The following WNK2 variants were observed in gnomAD, a reference collection of about 807,000 sequenced individuals.
WNK2 encodes the protein serine/threonine-protein kinase WNK2.
A neutral mutation model predicts 192.1 loss-of-function variants in WNK2; 67 were observed. That is an observed-to-expected ratio of 0.35 (90% CI 0.29 to 0.43). WNK2 has a LOEUF of 0.43. Among genes scored for constraint, WNK2 ranks in the 20% least tolerant of loss-of-function variants. The probability of loss-of-function intolerance (pLI) is 1.00; values close to 1 mark genes in which losing one functional copy is unlikely to be tolerated. For missense variants in WNK2, 2,698 were observed against 3,089.7 expected (o/e 0.87, Z 3.01); for synonymous variants, 1,439 against 1,393.9 (o/e 1.03, Z -0.72).
chr9:93,190,363 C>T (rs1480745154), intron 2 of WNK2, among the ~76,000 whole-genome samples: 1 of 152,210 alleles, frequency 6.6e-6, no homozygotes, highest in East Asian at 1.9e-4. Context: ...AGCTTGTTTT[C>T]TACTAGAAGC....
intron 2 of WNK2, among the ~76,000 whole-genome samples, chr9:93,214,697 G>GCCCCCCCCCCCC (rs371026822): frequency 2.5e-5 from 2 of 80,222 alleles, no homozygotes; most frequent in Admixed American, 1.6e-4. Context: ...TGAAGGTAGT[G>GCCCCCCCCCCCC]CCCCCCCCCC....
chr9:93,223,023 C>G (rs1231090123), intron 2 of WNK2, among the ~76,000 whole-genome samples: 1 of 152,220 alleles, frequency 6.6e-6, no homozygotes, highest in African/African-American at 2.4e-5. Context: ...AAAACACACA[C>G]TGGCTCACCT....
Position 93,259,110 on chromosome 9 carries a change from G to A in WNK2, c.2562G>A (p.Leu854=), listed in dbSNP as rs781211295. The part of the protein sequence containing the change: ...AAPLPPASPA[L]PLQAVKLPHP... ...CACTCCCCCCTGCGTCCCCAGCCTT[G>A]CCTCTGCAGGCTGTGAAGCTGCCCC... The change falls in exon 12 of 30, where the codon TTG becomes TTA. Residue 854 remains leucine (L), a synonymous_variant. Coordinates refer to ENST00000427277, the MANE Select transcript of WNK2 (RefSeq NM_006648.4). The surrounding 1 kb of genome is among the most constrained non-coding windows in gnomAD (Gnocchi z 4.8). 3 of 1,611,318 alleles carry A rather than the reference G, an allele frequency of 1.9e-6. No individual in the cohort carries two copies. Among genetic ancestry groups the A allele is most frequent in the African/African-American group, 1.3e-5 (1 of 74,452 alleles).
In WNK2 at chr9:93,298,051, C is replaced by T. The variant is rs775940050; in HGVS notation, c.5907C>T (p.Val1969=). 9 of 1,550,492 alleles carry T rather than the reference C, an allele frequency of 5.8e-6. No homozygotes were observed. Among genetic ancestry groups the T allele is most frequent in the East Asian group, 2.4e-5 (1 of 40,946 alleles). Residue 1969 remains valine, a synonymous_variant, in exon 24 of 30, where the codon GTC becomes GTT. Transcript: ENST00000427277. Reference sequence around the variant, plus strand: ...ATCCCCTGGTGCGGCAGCTCAAGGTCGTGGCCTCCAGCACAGGTCGGCCTC... The same window carrying T: ...ATCCCCTGGTGCGGCAGCTCAAGGTTGTGGCCTCCAGCACAGGTCGGCCTC... The part of the protein sequence containing the change: ...LLNPLVRQLK[V]VASSTGHLAD...
At chr9:93,196,378 C>T (rs768474482) in intron 2 of WNK2, among the ~76,000 whole-genome samples, 8 of 152,148 alleles carry the variant, frequency 5.3e-5, no homozygotes, top group Non-Finnish European at 1.2e-4. Context: ...TGGAGATGGC[C>T]ATGTGACAGC....
Position 93,306,831 on chromosome 9 carries a change from C to T in WNK2, c.6259+10C>T, listed in dbSNP as rs571880942. 3.0e-5 allele frequency: 48 copies of T among 1,614,046 alleles called. No homozygotes were observed. The highest frequency in any genetic ancestry group is 8.0e-5 in the African/African-American group (6 of 75,066). The stretch of plus-strand genomic sequence containing the variant: ...AAAGAACACAGCAGTAGTAATTATC[C>T]GGGTTTTTTCCCCTTTGTCCTCTCT... On this transcript the variant is annotated intron_variant, in intron 27 of 29. Transcript: ENST00000427277.
Position 93,259,329 on chromosome 9 carries a change from C to T in WNK2, c.2781C>T (p.Ser927=), listed in dbSNP as rs774720094. 6.2e-7 allele frequency: 1 copy of T among 1,613,448 alleles called. No homozygotes were observed. The highest frequency in any genetic ancestry group is 8.5e-7 in the Non-Finnish European group (1 of 1,179,744). The part of the protein sequence containing the change: ...PQMAPTDVPP[S]PHHTVQNMRA... ...TGGCGCCTACTGACGTCCCTCCTTC[C>T]CCCCATCACACGGTGCAGAATATGA... Residue 927 remains serine, a synonymous_variant, in exon 12 of 30, where the codon TCC becomes TCT. Transcript: ENST00000427277. This position sits in a 1 kb window ranked among gnomAD's most constrained non-coding sequence, Gnocchi z 4.8.
At chr9:93,217,614 C>G (rs943129676) in intron 2 of WNK2, among the ~76,000 whole-genome samples, 1 of 152,172 alleles carries the variant, frequency 6.6e-6, no homozygotes, top group Non-Finnish European at 1.5e-5. Context: ...AACCTCACCC[C>G]CATGCTGCTT....
intron 2 of WNK2, among the ~76,000 whole-genome samples, chr9:93,220,934 C>G (rs1211457334): frequency 4.6e-5 from 7 of 152,214 alleles, no homozygotes; most frequent in Non-Finnish European, 8.8e-5. Flanking sequence ...CTTCATGGCT[C>G]CATTCTGTGG....
intron 2 of WNK2, among the ~76,000 whole-genome samples, chr9:93,224,971 G>A (rs1440194740): frequency 1.3e-5 from 2 of 152,170 alleles, no homozygotes; most frequent in African/African-American, 4.8e-5. Context: ...TGTTCATGGA[G>A]TTGCTCCTGT....
intron 2 of WNK2, among the ~76,000 whole-genome samples, chr9:93,202,791 C>T (rs903357276): frequency 6.6e-6 from 1 of 152,020 alleles, no homozygotes; most frequent in African/African-American, 2.4e-5. Flanking sequence ...GGAGCTTTTC[C>T]CTGGGGCAGG....
chr9:93,259,256 T>TGCAC lies in WNK2; in HGVS notation c.2709_2710insCACG (p.Ala904HisfsTer21). ...GCTGCCCTGTCCATTCATTCTGCCG[T>TGCAC]GGCCCAGCTCCCAGGCCAACCTGTG... On this transcript the variant is annotated frameshift_variant, in exon 12 of 30. Transcript: ENST00000427277. LOFTEE classifies it high-confidence loss of function. This position sits in a 1 kb window ranked among gnomAD's most constrained non-coding sequence, Gnocchi z 4.8. 1 of 1,613,450 alleles carries TGCAC rather than the reference T, an allele frequency of 6.2e-7. No individual in the cohort carries two copies. The highest frequency in any genetic ancestry group is 8.5e-7 in the Non-Finnish European group (1 of 1,179,794).
In WNK2 at chr9:93,229,763, A is replaced by G; in HGVS notation, c.749A>G (p.Gln250Arg). 1.2e-6 allele frequency: 2 copies of G among 1,613,860 alleles called. No individual in the cohort carries two copies. The highest frequency in any genetic ancestry group is 1.7e-6 in the Non-Finnish European group (2 of 1,179,846). The part of the protein sequence containing the change: ...KEEAEMLKGL[Q>R]HPNIVRFYDF... ...GAGGCTGAGATGCTGAAAGGCCTGC[A>G]GCACCCCAACATCGTGCGCTTCTAC... is the stretch of plus-strand genomic sequence containing the variant. The change falls in exon 3 of 30, where the codon CAG becomes CGG. Residue 250 changes from glutamine to arginine, a missense_variant. Gln to Arg is a conservative substitution (Grantham distance 43). This residue lies in a region of WNK2 where 230 missense variants were observed against 501.1 expected (regional missense o/e 0.46). Coordinates refer to ENST00000427277, the MANE Select transcript of WNK2 (RefSeq NM_006648.4). The surrounding 1 kb of genome is among the most constrained non-coding windows in gnomAD (Gnocchi z 4.9).
intron 29 of WNK2, chr9:93,317,900 AC>A: frequency 6.3e-7 from 1 of 1,589,266 alleles, no homozygotes; most frequent in Non-Finnish European, 8.6e-7. Flanking sequence ...GCCCGGAGAA[AC>A]CAGGTGTGGT....
intron 28 of WNK2, among the ~76,000 whole-genome samples, chr9:93,310,987 T>C (rs981448371): frequency 1.3e-5 from 2 of 152,144 alleles, no homozygotes; most frequent in Non-Finnish European, 2.9e-5. Context: ...TTCAGAATAC[T>C]GTGCAGCCAC....
chr9:93,244,702 C>G (rs561814569), intron 7 of WNK2, among the ~76,000 whole-genome samples: 2 of 152,330 alleles, frequency 1.3e-5, no homozygotes, highest in African/African-American at 4.8e-5. Flanking sequence ...CCCACATGCT[C>G]ACTAGGAGCA....
At chr9:93,318,794 G>C (rs1173874971) in intron 29 of WNK2, 17 of 1,411,242 alleles carry the variant, frequency 1.2e-5, no homozygotes, top group Non-Finnish European at 1.6e-5. Flanking sequence ...GATTTCAGTG[G>C]GACTCGTCCC....
intron 7 of WNK2, among the ~76,000 whole-genome samples, chr9:93,246,324 G>A (rs117787405): frequency 0.017 from 2,646 of 152,258 alleles, 42 homozygotes; most frequent in Non-Finnish European, 0.028. Flanking sequence ...GAGCCGCGCT[G>A]CATTCCTGTC....
intron 25 of WNK2, 85 bp from the exon 26 acceptor site, chr9:93,299,966 G>A: frequency 9.2e-7 from 1 of 1,090,104 alleles, no homozygotes; most frequent in Non-Finnish European, 1.4e-6. Context: ...CGAGGCTGGT[G>A]TGGCTGTTGG....
Sources: allele counts gnomAD v4.1 joint callset (sites outside exome capture counted in the v4.1 genomes callset), GRCh38; gene constraint gnomAD v4.1.1; regional missense constraint gnomAD v4.1.1; non-coding constraint Gnocchi (gnomAD v3.1); transcripts MANE v1.5; gene names NCBI Gene and HGNC (gene_info 2026-07-23, HGNC 2026-07-21).